Variants in EVC observed in about 807,000 individuals in gnomAD.
The protein encoded by EVC is evC complex member EVC.
A neutral mutation model predicts 118.9 loss-of-function variants in EVC; 116 were observed. The ratio of observed to expected loss-of-function variants is 0.98; its 90% confidence interval spans 0.84 to 1.14. The LOEUF (loss-of-function observed/expected upper bound fraction) is 1.14, where lower values mean the gene tolerates loss of function less well. EVC is among the 50% of genes most tolerant of loss of function. The probability of loss-of-function intolerance (pLI) is 0.00; values close to 1 mark genes in which losing one functional copy is unlikely to be tolerated. For missense variants in EVC, 1,401 were observed against 1,246.4 expected, an observed-to-expected ratio of 1.12 and a Z score of -1.87; for synonymous variants, 619 against 534.7, an observed-to-expected ratio of 1.16 and a Z score of -2.18.
In EVC at chr4:5,755,720, C is replaced by T. The variant is rs945019494; in HGVS notation, c.1465-544C>T. Among the ~76,000 whole-genome samples the T allele has an allele frequency of 4.6e-5, 7 of 152,178 alleles. No individual in the cohort carries two copies. The highest frequency in any genetic ancestry group is 1.7e-4 in the African/African-American group (7 of 41,450). ...CCTGAGAAGGGTCTGTTCCTCTGTC[C>T]TTCTGCCCCACCTCGCCCCTCGCTG... is the stretch of plus-strand genomic sequence containing the variant. On this transcript the variant is annotated intron_variant, in intron 10 of 20. Transcript: ENST00000264956. The surrounding 1 kb of genome is among the most constrained non-coding windows in gnomAD (Gnocchi z 4.1).
chr4:5,715,395 G>T (rs71597786), intron 1 of EVC, among the ~76,000 whole-genome samples: 2,375 of 152,286 alleles, frequency 0.016, 22 homozygotes, highest in Non-Finnish European at 0.026. Flanking sequence ...CACTGAAGGA[G>T]AATCTCTAGG....
chr4:5,827,401 T>G, the EVC span, among the ~76,000 whole-genome samples: 2 of 152,176 alleles, frequency 1.3e-5, no homozygotes, highest in South Asian at 2.1e-4. Flanking sequence ...TCTGTGCGAC[T>G]TGGTGTCTTT....
intron 11 of EVC, among the ~76,000 whole-genome samples, chr4:5,782,113 TGTCACC>T (rs1238303503): frequency 1.3e-5 from 2 of 152,170 alleles, no homozygotes; most frequent in Non-Finnish European, 2.9e-5. Context: ...AGTCTCTCTC[TGTCACC>T]CAAGTTGGAG....
In EVC at chr4:5,738,958, T is replaced by G. The variant is rs769953171; in HGVS notation, c.703-2758T>G. On this transcript the variant is annotated intron_variant, in intron 5 of 20. Coordinates refer to ENST00000264956, the MANE Select transcript of EVC (RefSeq NM_153717.3). The surrounding 1 kb of genome is among the most constrained non-coding windows in gnomAD (Gnocchi z 6.5). ...TTTTAAAATTAAGGTATGTACTTTT[T>G]TAGACATACTGCTATTGTACACTTA... Among the ~76,000 whole-genome samples, 45 of 152,330 alleles carry G rather than the reference T, an allele frequency of 3.0e-4. No homozygotes were observed. The South Asian group carries it at 4.1e-3, about 14-fold the overall frequency.
chr4:5,810,930 C>T (rs750615414), intron 20 of EVC, 23 bp from the exon 21 acceptor site: 2 of 1,604,048 alleles, frequency 1.2e-6, no homozygotes, highest in Non-Finnish European at 1.7e-6. Flanking sequence ...TTCTAACTGG[C>T]TGCCTTTCTT....
rs1191431144 is a variant in EVC, at chr4:5,798,508, G to C, written c.2098-78G>C. On this transcript the variant is annotated intron_variant, in intron 14 of 20. Coordinates refer to ENST00000264956, the MANE Select transcript of EVC (RefSeq NM_153717.3). This position sits in a 1 kb window ranked among gnomAD's most constrained non-coding sequence, Gnocchi z 4.1. ...AACCCCTGGGCCCTGGATAGGACCA[G>C]CCCCACATCCCAGTCCTGGCCAGAG... 1 of 1,444,918 alleles carries C rather than the reference G, an allele frequency of 6.9e-7. No homozygotes were observed. The allele number at this position is 1,444,918 out of a possible 1,614,324, so 89.5% of individuals were successfully genotyped here.
chr4:5,821,781 G>A, the EVC span: 1 of 1,611,016 alleles, frequency 6.2e-7, no homozygotes, highest in African/African-American at 1.3e-5. This position sits in a 1 kb window ranked among gnomAD's most constrained non-coding sequence, Gnocchi z 4.4. Context: ...TGGTGATGTT[G>A]GAGCGGCCAC....
At chr4:5,752,210 C>G (rs1450281707) in intron 8 of EVC, among the ~76,000 whole-genome samples, 2 of 152,118 alleles carry the variant, frequency 1.3e-5, no homozygotes, top group African/African-American at 4.8e-5. Flanking sequence ...CCCTTACTCT[C>G]ATTCCACAAG....
intron 2 of EVC, among the ~76,000 whole-genome samples, chr4:5,728,288 C>T (rs1186282787): frequency 6.6e-6 from 1 of 152,064 alleles, no homozygotes; most frequent in Non-Finnish European, 1.5e-5. Context: ...AAGTCCTTCA[C>T]ATCCCTTGTA....
At chr4:5,787,276 C>T (rs1711851702) in intron 12 of EVC, among the ~76,000 whole-genome samples, 1 of 152,236 alleles carries the variant, frequency 6.6e-6, no homozygotes, top group East Asian at 1.9e-4. Flanking sequence ...ATCCCTAAAA[C>T]CCGTGAATAT....
chr4:5,827,855 GTC>G, the EVC span, among the ~76,000 whole-genome samples: 4 of 152,310 alleles, frequency 2.6e-5, no homozygotes, highest in East Asian at 7.7e-4. Context: ...ACGGGCGGGA[GTC>G]TCTCTCAGCT....
At chr4:5,777,920 G>A (rs773842248) in intron 11 of EVC, among the ~76,000 whole-genome samples, 77 of 152,124 alleles carry the variant, frequency 5.1e-4, no homozygotes, top group Non-Finnish European at 8.7e-4. Context: ...CATGTGACAT[G>A]CTGGTGCGCT....
chr4:5,757,868 A>T (rs1211411695), intron 11 of EVC, among the ~76,000 whole-genome samples: 1 of 147,214 alleles, frequency 6.8e-6, no homozygotes, highest in African/African-American at 2.7e-5. Flanking sequence ...CACATGGGAT[A>T]TTGGAGGTTA....
chr4:5,784,461 C>T (rs13121551), intron 12 of EVC, among the ~76,000 whole-genome samples: 9,670 of 152,212 alleles, frequency 0.064, 447 homozygotes, highest in South Asian at 0.11. Flanking sequence ...GAGCACAGCC[C>T]TGCTGACACC....
chr4:5,775,978 T>C (rs994727305), intron 11 of EVC, among the ~76,000 whole-genome samples: 1 of 152,172 alleles, frequency 6.6e-6, no homozygotes, highest in Non-Finnish European at 1.5e-5. Flanking sequence ...TTCTTAATAT[T>C]GCTTTGTGGT....
Position 5,793,611 on chromosome 4 carries a change from T to G in EVC, c.1780T>G (p.Trp594Gly). 1 of 1,551,926 alleles carries G rather than the reference T, an allele frequency of 6.4e-7. No homozygotes were observed. Among genetic ancestry groups the G allele is most frequent in the Non-Finnish European group, 8.7e-7 (1 of 1,147,122 alleles). The change falls in exon 13 of 21, where the codon TGG becomes GGG. Residue 594 changes from tryptophan to glycine, a missense_variant. Physicochemically the swap from Trp to Gly is radical, Grantham distance 184. Transcript: ENST00000264956. The stretch of plus-strand genomic sequence containing the variant: ...TGTCCCTCTGTCCCGAGTTCAGGTG[T>G]GGATGGAGGAGTGTGCGCTGTCCAG... ...QELLEQDQQV[W>G]MEECALSSVL... is the part of the protein sequence containing the mutation.
the EVC span, chr4:5,825,232 C>T: frequency 4.1e-6 from 4 of 985,360 alleles, no homozygotes; most frequent in Non-Finnish European, 4.8e-6. This position sits in a 1 kb window ranked among gnomAD's most constrained non-coding sequence, Gnocchi z 4.4. Context: ...AGGATGAGCA[C>T]TGGGACAATT....
chr4:5,771,358 ATCT>A (rs1336201957), intron 11 of EVC, among the ~76,000 whole-genome samples: 29 of 152,128 alleles, frequency 1.9e-4, no homozygotes, highest in African/African-American at 6.3e-4. Context: ...CCACCATTAC[ATCT>A]TCTCTGACTG....
intron 11 of EVC, among the ~76,000 whole-genome samples, chr4:5,778,052 T>C (rs1450962306): frequency 6.8e-6 from 1 of 147,710 alleles, no homozygotes; most frequent in African/African-American, 2.5e-5. Context: ...TGTGTTCTCA[T>C]TGTTCATTTC....
Sources: allele counts gnomAD v4.1 joint callset (sites outside exome capture counted in the v4.1 genomes callset), GRCh38; gene constraint gnomAD v4.1.1; non-coding constraint Gnocchi (gnomAD v3.1); transcripts MANE v1.5; gene names NCBI Gene and HGNC (gene_info 2026-07-23, HGNC 2026-07-21).